Variants in SEC23A observed in about 807,000 individuals in gnomAD.
SEC23A encodes the protein SEC23 homolog A, COPII component, also known as protein transport protein Sec23A.
SEC23A carries 56 observed loss-of-function variants against 103.7 expected under a neutral mutation model. The observed-to-expected ratio is 0.54, with a 90% confidence interval of 0.44 to 0.67. The LOEUF (loss-of-function observed/expected upper bound fraction) is 0.67, where lower values mean the gene tolerates loss of function less well. Among genes scored for constraint, SEC23A ranks in the 30% least tolerant of loss-of-function variants. SEC23A has a pLI of 0.00. For synonymous variants in SEC23A, 281 were observed against 293.0 expected, an observed-to-expected ratio of 0.96 and a Z score of 0.42; for missense variants, 784 against 936.4, an observed-to-expected ratio of 0.84 and a Z score of 2.12.
intron 7 of SEC23A, among the ~76,000 whole-genome samples, chr14:39,083,649 G>A (rs1185487650): frequency 7.3e-6 from 1 of 137,410 alleles, no homozygotes; most frequent in African/African-American, 2.7e-5. Flanking sequence ...TGCAACCTCT[G>A]CCTCCCAGGT....
At chr14:39,073,981 A>C (rs1886927746) in intron 9 of SEC23A, among the ~76,000 whole-genome samples, 1 of 152,162 alleles carries the variant, frequency 6.6e-6, no homozygotes, top group Non-Finnish European at 1.5e-5. Flanking sequence ...GGTGAGAAGA[A>C]AAAGGAGGGA....
chr14:39,102,334 T>G (rs1013906405), intron 1 of SEC23A, among the ~76,000 whole-genome samples: 1 of 152,324 alleles, frequency 6.6e-6, no homozygotes, highest in Middle Eastern at 3.4e-3. Context: ...ATCTAAAACC[T>G]TTTTAAACCA....
At chr14:39,088,535 C>T (rs1215878001) in intron 5 of SEC23A, 2 of 151,746 alleles carry the variant, frequency 1.3e-5, no homozygotes, top group Admixed American at 1.3e-4. Flanking sequence ...AGTTCAAGAC[C>T]AACCTTGGCT....
In SEC23A at chr14:39,083,563, C is replaced by CTTTTTTTT. The variant is rs71130810; in HGVS notation, c.828+2191_828+2198dup. 2.8e-3 allele frequency among the ~76,000 whole-genome samples: 260 copies of CTTTTTTTT among 91,784 alleles called. 44 individuals carry two copies. The highest frequency in any genetic ancestry group is 3.5e-3 in the Admixed American group (27 of 7,724). The allele number at this position is 91,784 out of a possible 152,430, so 60.2% of individuals were successfully genotyped here. ...CCTCAGCCTTGGCAAAATAAACTTT[C>CTTTTTTTT]TTTTTTTTTTTTTTTTTGAGATGGA... On this transcript the variant is annotated intron_variant, in intron 7 of 19. Transcript: ENST00000307712.
At chr14:39,059,308 A>AAAAAAAAAAAAAAAAG (rs1566491612) in intron 13 of SEC23A, among the ~76,000 whole-genome samples, 1 of 107,582 alleles carries the variant, frequency 9.3e-6, no homozygotes, top group Non-Finnish European at 2.0e-5. Flanking sequence ...AAAAAAAAAA[A>AAAAAAAAAAAAAAAAG]AACAACAAGG....
chr14:39,096,254 G>A (rs1887884777), intron 1 of SEC23A, 115 bp from the exon 2 acceptor site: 1 of 720,520 alleles, frequency 1.4e-6, no homozygotes, highest in African/African-American at 1.8e-5. Flanking sequence ...GGACCAGCTG[G>A]GCCCCGTGGC....
intron 1 of SEC23A, among the ~76,000 whole-genome samples, chr14:39,098,530 C>T (rs923066775): frequency 6.6e-6 from 1 of 152,090 alleles, no homozygotes; most frequent in Non-Finnish European, 1.5e-5. Flanking sequence ...AATCCTAGCA[C>T]TTTGGGAGGC....
At chr14:39,086,034 C>T in intron 6 of SEC23A, 128 bp from the exon 7 acceptor site, 1 of 828,576 alleles carries the variant, frequency 1.2e-6, no homozygotes, top group South Asian at 1.4e-5. Context: ...GGTTCTCAAA[C>T]TTTCGTGTAT....
intron 7 of SEC23A, among the ~76,000 whole-genome samples, chr14:39,082,419 C>G (rs1490494272): frequency 6.6e-6 from 1 of 151,972 alleles, no homozygotes; most frequent in Admixed American, 6.6e-5. Context: ...GGATGCTAAA[C>G]TAGTGGGTAA....
At chr14:39,073,785 T>A (rs1402840061) in intron 9 of SEC23A, among the ~76,000 whole-genome samples, 1 of 151,386 alleles carries the variant, frequency 6.6e-6, no homozygotes, top group Non-Finnish European at 1.5e-5. Context: ...AATTTTTGTA[T>A]TTTTAGTAGA....
At chr14:39,071,837 C>G (rs1886849906) in intron 9 of SEC23A, among the ~76,000 whole-genome samples, 1 of 152,166 alleles carries the variant, frequency 6.6e-6, no homozygotes, top group African/African-American at 2.4e-5. Flanking sequence ...GCACTCCAGC[C>G]TGGGTGACAG....
intron 5 of SEC23A, chr14:39,091,264 A>G (rs1188346545): frequency 1.8e-6 from 1 of 569,466 alleles, no homozygotes; most frequent in Non-Finnish European, 3.1e-6. Flanking sequence ...AATTTTAAAG[A>G]TATAGTTAAA....
At chr14:39,072,745 T>C (rs1886880718) in intron 9 of SEC23A, among the ~76,000 whole-genome samples, 1 of 152,130 alleles carries the variant, frequency 6.6e-6, no homozygotes, top group African/African-American at 2.4e-5. Context: ...GCCCTGGACA[T>C]TGTGGCTACA....
At chr14:39,079,957 C>T (rs1887166983) in intron 7 of SEC23A, among the ~76,000 whole-genome samples, 1 of 152,124 alleles carries the variant, frequency 6.6e-6, no homozygotes, top group Non-Finnish European at 1.5e-5. Context: ...ATGATTATTA[C>T]TTCTATAACT....
At chr14:39,056,424 C>T (rs770827581) in intron 13 of SEC23A, among the ~76,000 whole-genome samples, 7 of 151,506 alleles carry the variant, frequency 4.6e-5, no homozygotes, top group Admixed American at 6.6e-5. Flanking sequence ...TGAGCCACCA[C>T]GCCCAGCCTA....
intron 4 of SEC23A, 151 bp downstream of exon 4, chr14:39,092,390 G>C: frequency 1.6e-6 from 1 of 608,386 alleles, no homozygotes; most frequent in South Asian, 2.0e-5. Context: ...GAATTACCCT[G>C]CTCAAACTGA....
At position 39,032,637 on chromosome 14, in the gene SEC23A, T is replaced by C. The variant is rs1885339354; in HGVS notation, c.*602A>G. On this transcript the variant is annotated 3_prime_UTR_variant, in exon 20 of 20. Transcript: ENST00000307712. ...CGGGATTGTTACCCAAAAAAACCTT[T>C]CATCTCTAAACTATCTTTCCAAATA... 6.6e-6 allele frequency: 1 copy of C among 152,618 alleles called. No individual in the cohort carries two copies. The highest frequency in any genetic ancestry group is 2.4e-5 in the African/African-American group (1 of 41,450). The allele number at this position is 152,618 out of a possible 1,614,324, so 9.5% of individuals were successfully genotyped here.
At chr14:39,056,874 T>C (rs2139215813) in intron 13 of SEC23A, among the ~76,000 whole-genome samples, 1 of 152,216 alleles carries the variant, frequency 6.6e-6, no homozygotes, top group East Asian at 1.9e-4. Context: ...TAAAGGCAGC[T>C]CTCCAACCAC....
intron 9 of SEC23A, among the ~76,000 whole-genome samples, chr14:39,069,628 T>A (rs941871093): frequency 6.6e-6 from 1 of 151,750 alleles, no homozygotes; most frequent in African/African-American, 2.4e-5. Flanking sequence ...CCCAGCCAAT[T>A]TTTGTATTTT....
Sources: gnomAD v4.1 joint callset for allele counts (sites outside exome capture counted in the v4.1 genomes callset) on GRCh38, gnomAD v4.1.1 for gene constraint, MANE v1.5 for transcripts, NCBI Gene and HGNC (gene_info 2026-07-23, HGNC 2026-07-21) for gene names.